Variants in EPHA6 observed in about 807,000 individuals in gnomAD.
The protein encoded by EPHA6 is ephrin type-A receptor 6.
Under a neutral mutation model 112.0 loss-of-function variants are expected in EPHA6, and 50 were observed. The observed-to-expected ratio is 0.45, with a 90% confidence interval of 0.36 to 0.56. The LOEUF (loss-of-function observed/expected upper bound fraction) is 0.56, where lower values mean the gene tolerates loss of function less well. Among genes scored for constraint, EPHA6 ranks in the 20% least tolerant of loss-of-function variants. EPHA6 has a pLI of 0.00. For missense variants in EPHA6, 1,280 were observed against 1,417.4 expected (o/e 0.90, Z 1.56); for synonymous variants, 529 against 490.7 (o/e 1.08, Z -1.03).
intron 11 of EPHA6, among the ~76,000 whole-genome samples, chr3:97,547,257 T>G (rs1275782203): frequency 6.6e-6 from 1 of 152,218 alleles, no homozygotes; most frequent in Admixed American, 6.5e-5. Context: ...TGGATGTCCT[T>G]TCTGTTTTTT....
At chr3:97,333,366 T>C (rs2108830855) in intron 5 of EPHA6, among the ~76,000 whole-genome samples, 1 of 152,092 alleles carries the variant, frequency 6.6e-6, no homozygotes, top group South Asian at 2.1e-4. Context: ...TTTATTTTTG[T>C]TTTTGTGTTT....
At chr3:97,130,208 T>C (rs374549320) in intron 3 of EPHA6, among the ~76,000 whole-genome samples, 11 of 152,148 alleles carry the variant, frequency 7.2e-5, no homozygotes, top group East Asian at 3.9e-4. Context: ...TCTCTTGGAT[T>C]ATGCACATGT....
At chr3:97,661,297 T>C (rs1423341777) in intron 14 of EPHA6, among the ~76,000 whole-genome samples, 1 of 141,414 alleles carries the variant, frequency 7.1e-6, no homozygotes, top group East Asian at 2.3e-4. Flanking sequence ...GTCAGCTTAC[T>C]TGGAGTTGTC....
At chr3:97,489,480 T>C (rs915029933) in intron 10 of EPHA6, among the ~76,000 whole-genome samples, 5 of 152,126 alleles carry the variant, frequency 3.3e-5, no homozygotes, top group African/African-American at 9.7e-5. Context: ...GGTCAGGAGA[T>C]CAAGACAATC....
In EPHA6 at chr3:97,646,325, G is replaced by T. The variant is rs760031901; in HGVS notation, c.2784+8243G>T. The T allele has an allele frequency of 2.7e-6, 4 of 1,485,614 alleles. No individual in the cohort carries two copies. The South Asian group carries it at 4.0e-5, about 15-fold the overall frequency. 92.0% of individuals were successfully genotyped at this position (1,485,614 alleles called of 1,614,324 possible). Reference sequence around the variant, plus strand: ...ACCCTCCAACAGTGAGTCTTTCAGAGCCCCGTTTAAAAATCCTATACATGT... The same window carrying T: ...ACCCTCCAACAGTGAGTCTTTCAGATCCCCGTTTAAAAATCCTATACATGT... On this transcript the variant is annotated intron_variant, in intron 14 of 17. Transcript: ENST00000389672.
intron 5 of EPHA6, among the ~76,000 whole-genome samples, chr3:97,375,476 G>A (rs73851237): frequency 0.018 from 2,702 of 152,148 alleles, 78 homozygotes; most frequent in African/African-American, 0.056. Flanking sequence ...TTTATTTTCA[G>A]TTATATTGTA....
At chr3:97,675,527 A>T (rs2031287037) in intron 14 of EPHA6, among the ~76,000 whole-genome samples, 1 of 152,092 alleles carries the variant, frequency 6.6e-6, no homozygotes, top group Non-Finnish European at 1.5e-5. Context: ...GTGACATCCC[A>T]AAGAATCTAC....
chr3:97,145,778 A>T (rs1432148384), intron 3 of EPHA6, among the ~76,000 whole-genome samples: 1 of 151,714 alleles, frequency 6.6e-6, no homozygotes, highest in Admixed American at 6.6e-5. Flanking sequence ...GAGAAAAATT[A>T]TTTTGTATTT....
rs192707723 is a variant in EPHA6 at position 96,919,962 on chromosome 3, A to T, written c.450+53073A>T. ...TAATCAATTTAAAATAATTGTAAGT[A>T]TTAATAAAACCTAAAACCATATGCT... On this transcript the variant is annotated intron_variant, in intron 2 of 17. Coordinates refer to ENST00000389672, the MANE Select transcript of EPHA6 (RefSeq NM_001080448.3). Among the ~76,000 whole-genome samples, 658 of 152,056 alleles carry T rather than the reference A, an allele frequency of 4.3e-3. 2 individuals are homozygous for T. Among genetic ancestry groups the T allele is most frequent in the Middle Eastern group, 0.01 (3 of 294 alleles).
At chr3:97,635,708 A>G (rs1205858757) in intron 13 of EPHA6, among the ~76,000 whole-genome samples, 1 of 152,044 alleles carries the variant, frequency 6.6e-6, no homozygotes, top group Non-Finnish European at 1.5e-5. Flanking sequence ...GGATGACGAA[A>G]ATGTTCTAGA....
intron 13 of EPHA6, among the ~76,000 whole-genome samples, chr3:97,629,180 A>C (rs759484346): frequency 2.0e-5 from 3 of 151,966 alleles, no homozygotes; most frequent in Non-Finnish European, 4.4e-5. Flanking sequence ...CTCCTGCTTC[A>C]GCCTCCCAAA....
At chr3:97,729,388 C>T (rs2034930086) in intron 15 of EPHA6, among the ~76,000 whole-genome samples, 1 of 152,042 alleles carries the variant, frequency 6.6e-6, no homozygotes, top group Non-Finnish European at 1.5e-5. Context: ...GGGGAGGCCT[C>T]ACAATCATGG....
chr3:97,229,326 T>A (rs1349381365), intron 4 of EPHA6, among the ~76,000 whole-genome samples: 3 of 152,230 alleles, frequency 2.0e-5, no homozygotes, highest in Non-Finnish European at 4.4e-5. Flanking sequence ...TCTGATGTTA[T>A]CTTCTAGAAT....
chr3:97,389,454 A>G (rs554137015), intron 5 of EPHA6, among the ~76,000 whole-genome samples: 2 of 152,154 alleles, frequency 1.3e-5, no homozygotes, highest in Non-Finnish European at 2.9e-5. Context: ...CTGAATTATA[A>G]TATTTATTTT....
chr3:97,307,927 A>G (rs2081387368), intron 5 of EPHA6, among the ~76,000 whole-genome samples: 1 of 151,476 alleles, frequency 6.6e-6, no homozygotes, highest in Non-Finnish European at 1.5e-5. Context: ...GACAACATAA[A>G]CTCAGCATTT....
intron 12 of EPHA6, among the ~76,000 whole-genome samples, chr3:97,598,806 G>A (rs1377628175): frequency 2.0e-5 from 3 of 151,834 alleles, no homozygotes; most frequent in Non-Finnish European, 2.9e-5. Context: ...GGGTCAAATG[G>A]TATTTCTAGT....
intron 3 of EPHA6, among the ~76,000 whole-genome samples, chr3:97,121,976 T>C (rs1434917720): frequency 1.3e-5 from 2 of 152,076 alleles, no homozygotes; most frequent in African/African-American, 4.8e-5. Context: ...TTTCAGGGAA[T>C]TTATAACCAC....
intron 5 of EPHA6, among the ~76,000 whole-genome samples, chr3:97,366,701 GTA>G (rs2108960979): frequency 6.6e-6 from 1 of 152,056 alleles, no homozygotes; most frequent in East Asian, 1.9e-4. Flanking sequence ...AAGAAAAAGT[GTA>G]TGTTTGGAAA....
chr3:97,430,018 T>A (rs2089406682), intron 6 of EPHA6, among the ~76,000 whole-genome samples: 1 of 152,346 alleles, frequency 6.6e-6, no homozygotes, highest in South Asian at 2.1e-4. Flanking sequence ...GAGAATGTGA[T>A]GTTTGCTGAA....
Sources: allele counts gnomAD v4.1 joint callset (sites outside exome capture counted in the v4.1 genomes callset), GRCh38; gene constraint gnomAD v4.1.1; transcripts MANE v1.5; gene names NCBI Gene and HGNC (gene_info 2026-07-23, HGNC 2026-07-21).